The following ARHGAP35 variants were observed in gnomAD, a reference collection of about 807,000 sequenced individuals.
ARHGAP35 encodes rho GTPase-activating protein 35.
Under a neutral mutation model 111.1 loss-of-function variants are expected in ARHGAP35, and 15 were observed. The observed-to-expected ratio is 0.13, with a 90% CI of 0.09 to 0.21. The LOEUF (loss-of-function observed/expected upper bound fraction) is 0.21, where lower values mean the gene tolerates loss of function less well. ARHGAP35 is among the 10% of genes least tolerant of loss of function. The pLI is 1.00. For missense variants in ARHGAP35, 1,262 were observed against 1,873.0 expected (o/e 0.67, Z 6.02); for synonymous variants, 643 against 710.3 (o/e 0.91, Z 1.51).
chr19:46,951,988 T>G (rs2056415624), intron 3 of ARHGAP35, among the ~76,000 whole-genome samples: 1 of 152,206 alleles, frequency 6.6e-6, no homozygotes, highest in Admixed American at 6.5e-5. Context: ...TTAGAAGGAA[T>G]AAGTTCTAGT....
At chr19:46,969,782 G>A (rs1253965584) in intron 3 of ARHGAP35, among the ~76,000 whole-genome samples, 1 of 152,194 alleles carries the variant, frequency 6.6e-6, no homozygotes, top group Admixed American at 6.5e-5. Flanking sequence ...GGATCTGTCT[G>A]CTACAAGTGT....
Position 46,922,408 on chromosome 19 carries a change from A to G in ARHGAP35, c.3681+52A>G. On this transcript the variant is annotated intron_variant, in intron 2 of 6. Transcript: ENST00000672722. This position sits in a 1 kb window ranked among gnomAD's most constrained non-coding sequence, Gnocchi z 4.0. ...TAGTGTTTTGTACAGCGTCTCGGTG[A>G]GGGTTGATTGATGATGATTTTTCAA... The G allele has an allele frequency of 7.0e-7, 1 of 1,432,992 alleles. No homozygotes were observed. Among genetic ancestry groups the G allele is most frequent in the Middle Eastern group, 1.8e-4 (1 of 5,440 alleles). The allele number at this position is 1,432,992 out of a possible 1,614,324, so 88.8% of individuals were successfully genotyped here. A position where few individuals can be genotyped will look rare whatever the true frequency, so the allele number is the denominator to read the frequency against.
chr19:46,932,317 G>T (rs2056277540), intron 2 of ARHGAP35, among the ~76,000 whole-genome samples: 1 of 152,174 alleles, frequency 6.6e-6, no homozygotes, highest in Non-Finnish European at 1.5e-5. Context: ...AGGCACACAT[G>T]TGGAGATTGT....
Position 46,872,306 on chromosome 19 carries a change from G to A in ARHGAP35, c.-189+11097G>A, listed in dbSNP as rs1044936218. 2.1e-4 allele frequency among the ~76,000 whole-genome samples: 32 copies of A among 152,132 alleles called. 1 individual carries two copies. The South Asian group carries it at 2.9e-3, about 14-fold the overall frequency. ...GAAAAAGTGGAAGAAATATGCTGAA[G>A]TGTTATTAGTTAACTCTGTGTTGTA... On this transcript the variant is annotated intron_variant, in intron 1 of 6. Transcript: ENST00000672722.
At chr19:46,884,070 G>A (rs2055979902) in intron 1 of ARHGAP35, among the ~76,000 whole-genome samples, 1 of 152,050 alleles carries the variant, frequency 6.6e-6, no homozygotes, top group Admixed American at 6.6e-5. Context: ...AACATAGTAT[G>A]CCTATACGAG....
chr19:46,883,065 T>C (rs1052883404), intron 1 of ARHGAP35, among the ~76,000 whole-genome samples: 2 of 152,140 alleles, frequency 1.3e-5, no homozygotes, highest in African/African-American at 4.8e-5. Context: ...ACTTGAGCAC[T>C]TAGAGGCCAT....
chr19:46,914,991 T>C (rs1167523596), intron 1 of ARHGAP35, among the ~76,000 whole-genome samples: 3 of 152,140 alleles, frequency 2.0e-5, no homozygotes, highest in African/African-American at 7.2e-5. Context: ...GGGTCAGGAA[T>C]TGATAGAGAA....
chr19:46,897,469 T>TC (rs1285849832), intron 1 of ARHGAP35, among the ~76,000 whole-genome samples: 1 of 150,420 alleles, frequency 6.6e-6, no homozygotes, highest in Non-Finnish European at 1.5e-5. Context: ...TTTTACGACC[T>TC]CCAACACTTT....
In ARHGAP35 at chr19:46,918,227, G is replaced by C. The variant is rs965450342; in HGVS notation, c.-188-261G>C. 4.0e-5 allele frequency among the ~76,000 whole-genome samples: 6 copies of C among 151,830 alleles called. No homozygotes were observed. The highest frequency in any genetic ancestry group is 1.5e-4 in the African/African-American group (6 of 41,300). The stretch of plus-strand genomic sequence containing the variant: ...ACCCTGGAATCAGCCCTTTTTCCAG[G>C]GAGCCCTCACACCCTTGTTTTAGCA... On this transcript the variant is annotated intron_variant, in intron 1 of 6. Transcript: ENST00000672722. This position sits in a 1 kb window ranked among gnomAD's most constrained non-coding sequence, Gnocchi z 5.4.
rs973818192 is a variant in ARHGAP35 at position 46,994,717 on chromosome 19, C to T, written c.4037-4587C>T. 6.6e-6 allele frequency among the ~76,000 whole-genome samples: 1 copy of T among 152,136 alleles called. No individual in the cohort carries two copies. ...TCCCCTCTTTCCACTAGACCGTAAG[C>T]GGCAGGGAATTTGGTTTTTGTCCCC... On this transcript the variant is annotated intron_variant, in intron 5 of 6. Coordinates refer to ENST00000672722, the MANE Select transcript of ARHGAP35 (RefSeq NM_004491.5). The surrounding 1 kb of genome is among the most constrained non-coding windows in gnomAD (Gnocchi z 5.4).
rs556056166 is a variant in ARHGAP35 at position 46,979,654 on chromosome 19, C to T, written c.3827-8335C>T. Among the ~76,000 whole-genome samples the T allele has an allele frequency of 9.8e-5, 15 of 152,306 alleles. 1 individual carries two copies. The South Asian group carries it at 3.1e-3, about 32-fold the overall frequency. ...CCAGACCTGGTGCGATGTTGCACCTCCTCCCTCCTCCTCAGCCCTGAGATT... is the reference window on the plus strand; with the variant it reads ...CCAGACCTGGTGCGATGTTGCACCTTCTCCCTCCTCCTCAGCCCTGAGATT... On this transcript the variant is annotated intron_variant, in intron 3 of 6. Transcript: ENST00000672722.
In ARHGAP35 at chr19:47,000,782, CAG is replaced by C; in HGVS notation, c.*95_*96del. ...AAACCAAGTCCACTGGGGACAGAGG[CAG>C]GGGCAAGTGGCTCTCCCCATTACCT... is the stretch of plus-strand genomic sequence containing the variant. On this transcript the variant is annotated 3_prime_UTR_variant, in exon 7 of 7. Coordinates refer to ENST00000672722, the MANE Select transcript of ARHGAP35 (RefSeq NM_004491.5). This position sits in a 1 kb window ranked among gnomAD's most constrained non-coding sequence, Gnocchi z 6.9. 2 of 1,540,170 alleles carry C rather than the reference CAG, an allele frequency of 1.3e-6. No individual in the cohort carries two copies. The highest frequency in any genetic ancestry group is 1.8e-6 in the Non-Finnish European group (2 of 1,141,776).
intron 1 of ARHGAP35, among the ~76,000 whole-genome samples, chr19:46,871,776 C>T (rs149177791): frequency 0.017 from 2,613 of 151,706 alleles, 89 homozygotes; most frequent in African/African-American, 0.059. Flanking sequence ...GTCGGGAGTT[C>T]GAGACCAGCT....
rs752991632 is a variant in ARHGAP35 at position 46,988,105 on chromosome 19, G to T, written c.3904+39G>T. 4.4e-6 allele frequency: 7 copies of T among 1,593,516 alleles called. No homozygotes were observed. In the South Asian group the frequency reaches 4.5e-5, roughly 10 times the overall value. ...TGGCCAGGCATCCGAGGCCAGAGCTGGTCAAGGCAGACACAGCTGCCTCGG... is the reference window on the plus strand; with the variant it reads ...TGGCCAGGCATCCGAGGCCAGAGCTTGTCAAGGCAGACACAGCTGCCTCGG... On this transcript the variant is annotated intron_variant, in intron 4 of 6. Transcript: ENST00000672722. The surrounding 1 kb of genome is among the most constrained non-coding windows in gnomAD (Gnocchi z 5.4).
At chr19:46,937,199 T>C in intron 2 of ARHGAP35, 65 bp from the exon 3 acceptor site, 1 of 1,584,226 alleles carries the variant, frequency 6.3e-7, no homozygotes, top group Non-Finnish European at 8.6e-7. Flanking sequence ...GAAGCCTTAC[T>C]GATGTTTAAG....
intron 1 of ARHGAP35, among the ~76,000 whole-genome samples, chr19:46,879,723 A>T (rs1303385032): frequency 1.3e-5 from 2 of 150,238 alleles, no homozygotes; most frequent in Non-Finnish European, 3.0e-5. Flanking sequence ...GGCTGAGGTT[A>T]CAGTGAGCTG....
chr19:46,996,393 C>A (rs535005886), intron 5 of ARHGAP35, among the ~76,000 whole-genome samples: 5 of 152,178 alleles, frequency 3.3e-5, no homozygotes, highest in African/African-American at 1.2e-4. Flanking sequence ...TGAGCCACCG[C>A]GCCCGGCCCC....
At chr19:46,900,633 C>CATTA (rs2122166951) in intron 1 of ARHGAP35, among the ~76,000 whole-genome samples, 1 of 152,252 alleles carries the variant, frequency 6.6e-6, no homozygotes, top group South Asian at 2.1e-4. Flanking sequence ...GACACTAATT[C>CATTA]ATTAATTCCA....
At chr19:46,929,150 A>G (rs1044446118) in intron 2 of ARHGAP35, among the ~76,000 whole-genome samples, 20 of 152,318 alleles carry the variant, frequency 1.3e-4, no homozygotes, top group East Asian at 9.6e-4. Flanking sequence ...TTGTGCTTTA[A>G]TAATAGATTT....
Sources: allele counts gnomAD v4.1 joint callset (sites outside exome capture counted in the v4.1 genomes callset), GRCh38; gene constraint gnomAD v4.1.1; non-coding constraint Gnocchi (gnomAD v3.1); transcripts MANE v1.5; gene names NCBI Gene and HGNC (gene_info 2026-07-23, HGNC 2026-07-21).